The following SIL1 variants were observed in gnomAD, a reference collection of about 807,000 sequenced individuals.
SIL1 encodes the protein SIL1 nucleotide exchange factor.
A neutral mutation model predicts 49.1 loss-of-function variants in SIL1; 40 were observed. The ratio of observed to expected loss-of-function variants is 0.81; its 90% CI spans 0.63 to 1.06. SIL1 has a LOEUF of 1.06. Among genes scored for constraint, SIL1 ranks in the 50% least tolerant of loss-of-function variants. The pLI is 0.00. For missense variants in SIL1, 500 were observed against 572.6 expected (o/e 0.87, Z 1.29); for synonymous variants, 253 against 250.8 (o/e 1.01, Z -0.08).
chr5:139,192,481 T>TCAGAAACATACCCTTCCC (rs1480657914), intron 1 of SIL1, among the ~76,000 whole-genome samples: 2 of 152,068 alleles, frequency 1.3e-5, no homozygotes, highest in Non-Finnish European at 2.9e-5. Flanking sequence ...TGAGCAGACC[T>TCAGAAACATACCCTTCCC]CAGAAACATA....
chr5:139,185,779 C>T (rs1158713582), intron 1 of SIL1, among the ~76,000 whole-genome samples: 1 of 152,218 alleles, frequency 6.6e-6, no homozygotes, highest in South Asian at 2.1e-4. Context: ...TGTGGCAACA[C>T]TCTCAGACCT....
chr5:139,016,975 T>C (rs950077810), intron 7 of SIL1: 2 of 151,948 alleles, frequency 1.3e-5, no homozygotes, highest in African/African-American at 4.8e-5. Context: ...GCCTCTCGAG[T>C]AGCATAGCTG....
At chr5:139,021,913 GGC>G (rs1768538288) in intron 6 of SIL1, 3 of 174,008 alleles carry the variant, frequency 1.7e-5, no homozygotes, top group Admixed American at 5.4e-5. Flanking sequence ...CTGTGCTACT[GGC>G]TAGTGGCTAT....
chr5:139,076,004 G>A (rs1337086742), intron 3 of SIL1, among the ~76,000 whole-genome samples: 1 of 152,176 alleles, frequency 6.6e-6, no homozygotes, highest in African/African-American at 2.4e-5. Flanking sequence ...TTCCAGAGAA[G>A]CTAGACTTCA....
At chr5:139,145,048 A>C (rs990808045) in intron 1 of SIL1, among the ~76,000 whole-genome samples, 3 of 152,252 alleles carry the variant, frequency 2.0e-5, no homozygotes, top group Non-Finnish European at 4.4e-5. Context: ...CGCGATCAAG[A>C]GAATGAAAAG....
At chr5:139,026,641 G>T (rs1768656678) in intron 6 of SIL1, among the ~76,000 whole-genome samples, 160 bp downstream of exon 6, 1 of 152,140 alleles carries the variant, frequency 6.6e-6, no homozygotes, top group South Asian at 2.1e-4. Flanking sequence ...TGGCCTCTAA[G>T]ACTGTATCTT....
At chr5:139,095,407 G>A (rs943781920) in intron 3 of SIL1, among the ~76,000 whole-genome samples, 2 of 151,830 alleles carry the variant, frequency 1.3e-5, no homozygotes, top group South Asian at 2.1e-4. Flanking sequence ...AATTACAGGC[G>A]TGCGCCACCA....
intron 7 of SIL1, among the ~76,000 whole-genome samples, chr5:138,974,721 C>T (rs1270970485): frequency 6.6e-6 from 1 of 152,190 alleles, no homozygotes; most frequent in Non-Finnish European, 1.5e-5. Context: ...AGTCAATGCT[C>T]CTCTCTCGGT....
intron 5 of SIL1, among the ~76,000 whole-genome samples, chr5:139,027,546 C>A (rs1004076881): frequency 1.3e-5 from 2 of 152,196 alleles, no homozygotes; most frequent in Admixed American, 6.5e-5. Context: ...CACAGGTGTA[C>A]AATTTGTTCA....
chr5:139,001,427 A>G (rs1459745544), intron 7 of SIL1, among the ~76,000 whole-genome samples: 3 of 152,238 alleles, frequency 2.0e-5, no homozygotes, highest in Non-Finnish European at 2.9e-5. Context: ...AACATTGTGT[A>G]TAACAGCAAA....
At chr5:139,069,061 G>A (rs1769770587) in intron 3 of SIL1, among the ~76,000 whole-genome samples, 1 of 152,156 alleles carries the variant, frequency 6.6e-6, no homozygotes, top group South Asian at 2.1e-4. Context: ...AGGAGTTTGA[G>A]ACCAGCCTGG....
intron 1 of SIL1, among the ~76,000 whole-genome samples, chr5:139,176,864 T>C (rs1311515580): frequency 6.6e-6 from 1 of 150,886 alleles, no homozygotes; most frequent in Non-Finnish European, 1.5e-5. Flanking sequence ...AGAAAATTAA[T>C]GGGCAGGAAA....
chr5:139,086,531 T>G (rs1182255738), intron 3 of SIL1, among the ~76,000 whole-genome samples: 1 of 151,768 alleles, frequency 6.6e-6, no homozygotes, highest in Non-Finnish European at 1.5e-5. Context: ...TAATTTTTTT[T>G]GTTTTTAGTA....
At chr5:139,175,689 G>T (rs11745211) in intron 1 of SIL1, among the ~76,000 whole-genome samples, 1 of 152,184 alleles carries the variant, frequency 6.6e-6, no homozygotes, top group Non-Finnish European at 1.5e-5. Context: ...CTGGCCAGGC[G>T]CGGTGGCTCA....
chr5:139,123,486 A>G (rs1407262203), intron 2 of SIL1, among the ~76,000 whole-genome samples: 1 of 152,198 alleles, frequency 6.6e-6, no homozygotes, highest in African/African-American at 2.4e-5. Flanking sequence ...GACTGAGGAA[A>G]GCCCAAAGCA....
intron 3 of SIL1, among the ~76,000 whole-genome samples, chr5:139,068,655 G>GAAAAAAAAA (rs745799045): frequency 2.3e-4 from 15 of 64,772 alleles, no homozygotes; most frequent in South Asian, 7.3e-4. Flanking sequence ...GAATGAAAAG[G>GAAAAAAAAA]AAAAAAAAAA....
intron 1 of SIL1, among the ~76,000 whole-genome samples, chr5:139,153,124 T>C (rs753273630): frequency 9.2e-5 from 14 of 151,970 alleles, no homozygotes; most frequent in Admixed American, 3.3e-4. Context: ...GGCCTAGAGT[T>C]GGTCTTATAC....
chr5:139,158,005 C>T (rs547763529), intron 1 of SIL1, among the ~76,000 whole-genome samples: 4 of 152,276 alleles, frequency 2.6e-5, no homozygotes, highest in East Asian at 3.9e-4. Context: ...TCTGATTTTT[C>T]GTCAGTATCC....
At position 138,947,156 on chromosome 5, in the gene SIL1, C is replaced by T. The variant is rs1458642130; in HGVS notation, c.1347G>A (p.Leu449=). The part of the protein sequence containing the change: ...DGEDEGYFQE[L]LGSVNSLLKE... Reference sequence around the variant, plus strand: ...TCAGCAAGCTGTTGACAGAGCCCAGCAGCTCCTGGAAGTAGCCCTCGTCCT... The same window carrying T: ...TCAGCAAGCTGTTGACAGAGCCCAGTAGCTCCTGGAAGTAGCCCTCGTCCT... Residue 449 remains leucine (L), a synonymous_variant, in exon 10 of 10, where the codon CTG becomes CTA. Coordinates refer to ENST00000394817, the MANE Select transcript of SIL1 (RefSeq NM_022464.5). The surrounding 1 kb of genome is among the most constrained non-coding windows in gnomAD (Gnocchi z 4.1). 4 of 1,613,564 alleles carry T rather than the reference C, an allele frequency of 2.5e-6. No homozygotes were observed. The highest frequency in any genetic ancestry group is 3.4e-6 in the Non-Finnish European group (4 of 1,179,912).
Sources: allele counts gnomAD v4.1 joint callset (sites outside exome capture counted in the v4.1 genomes callset), GRCh38; gene constraint gnomAD v4.1.1; non-coding constraint Gnocchi (gnomAD v3.1); transcripts MANE v1.5; gene names NCBI Gene and HGNC (gene_info 2026-07-23, HGNC 2026-07-21).